Variants in CNST observed in about 807,000 individuals in gnomAD.
CNST encodes consortin, connexin sorting protein.
In CNST, 39 loss-of-function variants were observed where a neutral mutation model predicts 72.4. That is an observed-to-expected ratio of 0.54 (90% CI 0.42 to 0.70). The LOEUF is 0.70. CNST is among the 30% of genes least tolerant of loss of function. The pLI is 0.00. For synonymous variants in CNST, 332 were observed against 320.1 expected, an observed-to-expected ratio of 1.04 and a Z score of -0.40; for missense variants, 871 against 868.5, an observed-to-expected ratio of 1.00 and a Z score of -0.04.
At chr1:246,661,239 G>A (rs1667089065) in intron 10 of CNST, among the ~76,000 whole-genome samples, 1 of 152,082 alleles carries the variant, frequency 6.6e-6, no homozygotes, top group Admixed American at 6.6e-5. Context: ...GCCTCCCAAA[G>A]TGCTAGGATT....
At chr1:246,664,574 C>G (rs1311005454) in intron 10 of CNST, among the ~76,000 whole-genome samples, 1 of 152,090 alleles carries the variant, frequency 6.6e-6, no homozygotes, top group Non-Finnish European at 1.5e-5. Context: ...CTATAGGCAC[C>G]TGCCACCACG....
chr1:246,602,717 C>T (rs1662375153), intron 2 of CNST, among the ~76,000 whole-genome samples: 1 of 152,186 alleles, frequency 6.6e-6, no homozygotes, highest in Non-Finnish European at 1.5e-5. Context: ...GGGGGCCCAT[C>T]TTAAAGGATG....
At chr1:246,665,068 A>G (rs1188754976) in intron 10 of CNST, among the ~76,000 whole-genome samples, 1 of 152,098 alleles carries the variant, frequency 6.6e-6, no homozygotes, top group Non-Finnish European at 1.5e-5. Flanking sequence ...TGTACTGTAG[A>G]CTGTCAAATA....
intron 9 of CNST, among the ~76,000 whole-genome samples, chr1:246,657,464 GA>G (rs35451640): frequency 2.0e-5 from 3 of 151,928 alleles, no homozygotes; most frequent in African/African-American, 7.2e-5. Flanking sequence ...TTTGGTGGCA[GA>G]AAAAAAAGGC....
At chr1:246,585,641 CAAAAA>C (rs543693321) in intron 1 of CNST, among the ~76,000 whole-genome samples, 847 of 42,826 alleles carry the variant, frequency 0.02, 25 homozygotes, top group African/African-American at 0.057. Flanking sequence ...GACTCTGTCT[CAAAAA>C]AAAAAAAAAA....
At chr1:246,568,662 G>A (rs892364328) in intron 1 of CNST, among the ~76,000 whole-genome samples, 2 of 152,084 alleles carry the variant, frequency 1.3e-5, no homozygotes, top group African/African-American at 4.8e-5. Context: ...TGCAACCTCC[G>A]CTTTTCGGGT....
intron 3 of CNST, among the ~76,000 whole-genome samples, chr1:246,622,655 A>G (rs917727835): frequency 4.6e-5 from 7 of 152,138 alleles, no homozygotes; most frequent in African/African-American, 1.7e-4. Flanking sequence ...GCATTTTAGA[A>G]GAAGAACTCT....
chr1:246,631,147 A>G (rs965802179), intron 3 of CNST, among the ~76,000 whole-genome samples: 1 of 152,246 alleles, frequency 6.6e-6, no homozygotes, highest in Non-Finnish European at 1.5e-5. Flanking sequence ...AGATCTAAAA[A>G]TATCCCAAAG....
chr1:246,655,260 A>C (rs980629403), intron 9 of CNST, among the ~76,000 whole-genome samples: 1 of 152,150 alleles, frequency 6.6e-6, no homozygotes, highest in Non-Finnish European at 1.5e-5. Flanking sequence ...TCTTTTAAAG[A>C]TTCGACATTG....
At chr1:246,586,111 A>ATGTG (rs113258007) in intron 1 of CNST, among the ~76,000 whole-genome samples, 1,839 of 102,638 alleles carry the variant, frequency 0.018, 28 homozygotes, top group Non-Finnish European at 0.021. Flanking sequence ...ATATATATAT[A>ATGTG]TGTGTGTGTG....
chr1:246,584,873 A>G (rs1210364920), intron 1 of CNST, among the ~76,000 whole-genome samples: 1 of 152,156 alleles, frequency 6.6e-6, no homozygotes, highest in African/African-American at 2.4e-5. Context: ...TCTTTTTTAA[A>G]TCAAGACGTG....
intron 1 of CNST, among the ~76,000 whole-genome samples, chr1:246,573,254 G>GT (rs930137258): frequency 1.1e-4 from 17 of 152,178 alleles, no homozygotes; most frequent in African/African-American, 4.1e-4. Context: ...GATAAGCACT[G>GT]TAAAGAGCCA....
chr1:246,618,751 C>T (rs1663856042), intron 2 of CNST, among the ~76,000 whole-genome samples: 1 of 152,112 alleles, frequency 6.6e-6, no homozygotes, highest in East Asian at 1.9e-4. Flanking sequence ...ATATCAGTAA[C>T]ATTGAATATT....
chr1:246,602,855 G>A (rs1285632520), intron 2 of CNST, among the ~76,000 whole-genome samples: 1 of 151,538 alleles, frequency 6.6e-6, no homozygotes, highest in African/African-American at 2.4e-5. Context: ...CAGGATATAT[G>A]ATGGTACAGA....
chr1:246,634,705 A>G, intron 6 of CNST, 118 bp downstream of exon 6: 1 of 649,024 alleles, frequency 1.5e-6, no homozygotes, highest in Non-Finnish European at 2.6e-6. Context: ...AGATGGATAT[A>G]ATATAATTAT....
intron 9 of CNST, among the ~76,000 whole-genome samples, chr1:246,656,109 A>G (rs1202327233): frequency 6.6e-6 from 1 of 152,248 alleles, no homozygotes; most frequent in Non-Finnish European, 1.5e-5. Context: ...TTGGAAGCCA[A>G]CTGTGTGTTC....
intron 3 of CNST, among the ~76,000 whole-genome samples, chr1:246,626,316 G>A (rs769651251): frequency 6.6e-6 from 1 of 151,908 alleles, no homozygotes; most frequent in Non-Finnish European, 1.5e-5. Context: ...GTCCCAAAGT[G>A]TTGGGATTTC....
At chr1:246,606,939 A>G (rs1662885344) in intron 2 of CNST, 1 of 145,656 alleles carries the variant, frequency 6.9e-6, no homozygotes, top group Admixed American at 7.1e-5. Context: ...GGATTGTCGC[A>G]TAGTGCACTT....
At chr1:246,641,626 C>G in intron 6 of CNST, 123 bp from the exon 7 acceptor site, 2 of 639,436 alleles carry the variant, frequency 3.1e-6, no homozygotes, top group South Asian at 3.3e-5. Flanking sequence ...TGGAAATGTT[C>G]TGTGCTAATA....
Sources: gnomAD v4.1 joint callset for allele counts (sites outside exome capture counted in the v4.1 genomes callset) on GRCh38, gnomAD v4.1.1 for gene constraint, MANE v1.5 for transcripts, NCBI Gene and HGNC (gene_info 2026-07-23, HGNC 2026-07-21) for gene names.